The following PCSK2 variants were observed in gnomAD, a reference collection of about 807,000 sequenced individuals.
PCSK2 encodes the protein neuroendocrine convertase 2.
In PCSK2, 14 loss-of-function variants were observed where a neutral mutation model predicts 69.7. The ratio of observed to expected loss-of-function variants is 0.20; its 90% confidence interval spans 0.13 to 0.31. The LOEUF is 0.31. Ranked by LOEUF, PCSK2 falls within the 10% of genes least tolerant of loss-of-function variation. PCSK2 has a pLI of 1.00. For missense variants in PCSK2, 544 were observed against 842.5 expected, an observed-to-expected ratio of 0.65 and a Z score of 4.39; for synonymous variants, 307 against 320.7, an observed-to-expected ratio of 0.96 and a Z score of 0.46.
intron 2 of PCSK2, among the ~76,000 whole-genome samples, chr20:17,268,618 G>A (rs981095318): frequency 9.2e-5 from 14 of 152,162 alleles, no homozygotes; most frequent in African/African-American, 3.4e-4. Context: ...ATGAGCCAAG[G>A]ACAGTGGGGA....
intron 2 of PCSK2, among the ~76,000 whole-genome samples, chr20:17,335,566 G>C (rs1258845808): frequency 6.6e-6 from 1 of 151,826 alleles, no homozygotes; most frequent in Non-Finnish European, 1.5e-5. Flanking sequence ...TTCTTTAATG[G>C]TGATTTCTGA....
intron 6 of PCSK2, among the ~76,000 whole-genome samples, chr20:17,410,101 A>G (rs1023226182): frequency 2.6e-5 from 4 of 152,212 alleles, no homozygotes; most frequent in Non-Finnish European, 5.9e-5. Flanking sequence ...GTATAAAAAT[A>G]TATGATGTGC....
intron 5 of PCSK2, among the ~76,000 whole-genome samples, chr20:17,376,982 C>T (rs932107434): frequency 5.3e-5 from 8 of 152,218 alleles, no homozygotes; most frequent in African/African-American, 1.9e-4. Flanking sequence ...AGTTCTCAAC[C>T]ACCTCATAGG....
chr20:17,346,857 A>G (rs1254092455), intron 2 of PCSK2, among the ~76,000 whole-genome samples: 1 of 152,050 alleles, frequency 6.6e-6, no homozygotes, highest in Non-Finnish European at 1.5e-5. Context: ...GTTCCAACCA[A>G]TATAGAAGCT....
chr20:17,234,889 A>C (rs1986277959), intron 1 of PCSK2, among the ~76,000 whole-genome samples: 1 of 152,182 alleles, frequency 6.6e-6, no homozygotes, highest in Non-Finnish European at 1.5e-5. Context: ...ACGTTTCAAA[A>C]AGAAACTCTG....
chr20:17,256,495 T>G (rs78605069), intron 1 of PCSK2, among the ~76,000 whole-genome samples: 2,852 of 152,256 alleles, frequency 0.019, 89 homozygotes, highest in African/African-American at 0.065. Flanking sequence ...AAATTTGACA[T>G]TTTAAATACT....
intron 2 of PCSK2, among the ~76,000 whole-genome samples, chr20:17,353,463 C>CAAA (rs372975691): frequency 1.6e-5 from 2 of 126,462 alleles, no homozygotes; most frequent in Admixed American, 7.9e-5. Context: ...GACTCCATCA[C>CAAA]ACAAAAAAAA....
intron 5 of PCSK2, among the ~76,000 whole-genome samples, chr20:17,384,424 C>CAA (rs1568627621): frequency 1.3e-5 from 1 of 76,248 alleles, no homozygotes. Context: ...TCCATATCTA[C>CAA]CAAAAAAAAA....
intron 2 of PCSK2, among the ~76,000 whole-genome samples, chr20:17,334,346 T>C (rs918748017): frequency 6.6e-6 from 1 of 152,058 alleles, no homozygotes; most frequent in Non-Finnish European, 1.5e-5. Context: ...TGTGGTAAGT[T>C]GAGGACACTG....
intron 2 of PCSK2, among the ~76,000 whole-genome samples, chr20:17,347,056 A>G (rs1990671275): frequency 6.6e-6 from 1 of 152,204 alleles, no homozygotes; most frequent in Non-Finnish European, 1.5e-5. Context: ...GGTCAGAGGC[A>G]TGCAGCCATA....
chr20:17,303,520 TA>T (rs1187103962), intron 2 of PCSK2, among the ~76,000 whole-genome samples: 2,983 of 55,600 alleles, frequency 0.054, 112 homozygotes, highest in East Asian at 0.17. Flanking sequence ...ATATATAATA[TA>T]ATATATATTA....
chr20:17,367,018 A>G lies in PCSK2; in HGVS notation c.506-2222A>G, dbSNP rs551431538. 2.0e-5 allele frequency among the ~76,000 whole-genome samples: 3 copies of G among 152,032 alleles called. No homozygotes were observed. The East Asian group carries it at 5.8e-4, about 29-fold the overall frequency. On this transcript the variant is annotated intron_variant, in intron 4 of 11. Transcript: ENST00000262545. ...ATTCTCTGGGTGTGTCTTTTTTTAC[A>G]CTTATTTAGATAAGTTCGTTTGATC...
At chr20:17,256,553 G>A (rs1000849676) in intron 1 of PCSK2, among the ~76,000 whole-genome samples, 1 of 151,550 alleles carries the variant, frequency 6.6e-6, no homozygotes, top group African/African-American at 2.4e-5. Flanking sequence ...CAGGTTGTTT[G>A]TTGTTGTTTC....
chr20:17,450,017 CTTTTTTTTTTTT>C (rs61156656), intron 8 of PCSK2, among the ~76,000 whole-genome samples: 11 of 61,802 alleles, frequency 1.8e-4, no homozygotes, highest in East Asian at 5.2e-4. Context: ...AATTTCTTCC[CTTTTTTTTTTTT>C]TTTTTTTTTT....
intron 2 of PCSK2, among the ~76,000 whole-genome samples, chr20:17,267,169 C>G (rs1987648143): frequency 6.6e-6 from 1 of 152,144 alleles, no homozygotes; most frequent in Non-Finnish European, 1.5e-5. Flanking sequence ...GAGGGGAAAA[C>G]ATGAATCTGT....
chr20:17,408,396 G>GA (rs530354194), intron 5 of PCSK2, among the ~76,000 whole-genome samples: 34 of 145,542 alleles, frequency 2.3e-4, no homozygotes, highest in Non-Finnish European at 3.2e-4. Context: ...AAATGTTAAA[G>GA]AAAAAAAAAA....
rs1157210502 is a variant in PCSK2, at chr20:17,227,353, C to T, written c.48C>T (p.Leu16=). Residue 16 remains leucine, a synonymous_variant, in exon 1 of 12, where the codon CTC becomes CTT. Coordinates refer to ENST00000262545, the MANE Select transcript of PCSK2 (RefSeq NM_002594.5). ...AGTGGAAGGCGGCCGCCGGGTTCCT[C>T]TTCTGTGTCATGGTTTTTGCATCTG... ...VSQWKAAAGF[L]FCVMVFASAE... is the part of the protein sequence containing the mutation. 4 of 1,614,030 alleles carry T rather than the reference C, an allele frequency of 2.5e-6. No homozygotes were observed. The highest frequency in any genetic ancestry group is 3.4e-6 in the Non-Finnish European group (4 of 1,179,990).
rs61156656 is a variant in PCSK2 at position 17,450,017 on chromosome 20, C to CTTTTTTTTTTTTTTTTTTTTTTTT, written c.886-3718_886-3695dup. 2.3e-4 allele frequency among the ~76,000 whole-genome samples: 14 copies of CTTTTTTTTTTTTTTTTTTTTTTTT among 61,834 alleles called. 1 individual carries two copies. The highest frequency in any genetic ancestry group is 4.0e-4 in the Non-Finnish European group (14 of 34,974). 40.6% of individuals were successfully genotyped at this position (61,834 alleles called of 152,430 possible). On this transcript the variant is annotated intron_variant, in intron 8 of 11. Coordinates refer to ENST00000262545, the MANE Select transcript of PCSK2 (RefSeq NM_002594.5). Reference sequence around the variant, plus strand: ...TTTTTAAGTTTGTTGAATTTCTTCCCTTTTTTTTTTTTTTTTTTTTTTTTT... The same window carrying CTTTTTTTTTTTTTTTTTTTTTTTT: ...TTTTTAAGTTTGTTGAATTTCTTCCCTTTTTTTTTTTTTTTTTTTTTTTTTTTTTTTTTTTTTTTTTTTTTTTTT...
At chr20:17,266,664 AC>A (rs1443727628) in intron 2 of PCSK2, among the ~76,000 whole-genome samples, 3 of 152,184 alleles carry the variant, frequency 2.0e-5, no homozygotes, top group Non-Finnish European at 4.4e-5. Flanking sequence ...GGAAGAGAAC[AC>A]TGGGCAAAGG....
Sources: gnomAD v4.1 joint callset for allele counts (sites outside exome capture counted in the v4.1 genomes callset) on GRCh38, gnomAD v4.1.1 for gene constraint, MANE v1.5 for transcripts, NCBI Gene and HGNC (gene_info 2026-07-23, HGNC 2026-07-21) for gene names.